The following HTR7 variants were observed in gnomAD, a reference collection of about 807,000 sequenced individuals.
HTR7 encodes 5-hydroxytryptamine receptor 7.
A neutral mutation model predicts 34.0 loss-of-function variants in HTR7; 16 were observed. The ratio of observed to expected loss-of-function variants is 0.47; its 90% confidence interval spans 0.32 to 0.71. The LOEUF (loss-of-function observed/expected upper bound fraction) is 0.71. Among genes scored for constraint, HTR7 ranks in the 30% least tolerant of loss-of-function variants. HTR7 has a pLI of 0.04. For synonymous variants in HTR7, 265 were observed against 260.2 expected (o/e 1.02, Z -0.18); for missense variants, 504 against 625.5 (o/e 0.81, Z 2.07).
chr10:90,792,091 A>T (rs575185762), intron 1 of HTR7, among the ~76,000 whole-genome samples: 30 of 152,302 alleles, frequency 2.0e-4, no homozygotes, highest in African/African-American at 6.5e-4. Context: ...TATCAAAAAC[A>T]TGAAAAATTT....
At chr10:90,848,803 C>G (rs1846451070) in intron 1 of HTR7, among the ~76,000 whole-genome samples, 1 of 152,152 alleles carries the variant, frequency 6.6e-6, no homozygotes, top group Admixed American at 6.5e-5. Context: ...TGCTGTATAG[C>G]AATACTTCTC....
At chr10:90,845,858 C>T (rs887170866) in intron 1 of HTR7, among the ~76,000 whole-genome samples, 3 of 152,192 alleles carry the variant, frequency 2.0e-5, no homozygotes, top group Non-Finnish European at 4.4e-5. Context: ...CCCTTCACTC[C>T]GTGATCTTCT....
At chr10:90,786,300 AG>A (rs1426171157) in intron 1 of HTR7, among the ~76,000 whole-genome samples, 1 of 152,224 alleles carries the variant, frequency 6.6e-6, no homozygotes, top group Non-Finnish European at 1.5e-5. Context: ...CTTCATTATC[AG>A]GAAAATGCTG....
chr10:90,811,494 T>C (rs1201424837), intron 1 of HTR7, among the ~76,000 whole-genome samples: 2 of 152,126 alleles, frequency 1.3e-5, no homozygotes, highest in Admixed American at 1.3e-4. Context: ...AGTTTATTGA[T>C]GGCAGTTCCA....
chr10:90,751,494 G>A (rs1298703601), intron 1 of HTR7, among the ~76,000 whole-genome samples: 1 of 152,064 alleles, frequency 6.6e-6, no homozygotes, highest in Non-Finnish European at 1.5e-5. Flanking sequence ...AAGCCTCAAT[G>A]TGGCATCCAA....
intron 1 of HTR7, among the ~76,000 whole-genome samples, chr10:90,827,871 C>T (rs1846103945): frequency 6.6e-6 from 1 of 152,184 alleles, no homozygotes; most frequent in Non-Finnish European, 1.5e-5. Flanking sequence ...ACCAAATTGA[C>T]CTAACAGATA....
intron 1 of HTR7, among the ~76,000 whole-genome samples, chr10:90,827,939 T>C (rs1051173331): frequency 6.6e-6 from 1 of 152,236 alleles, no homozygotes; most frequent in African/African-American, 2.4e-5. Flanking sequence ...ACATGGATCA[T>C]TCTCAAGGAT....
intron 1 of HTR7, among the ~76,000 whole-genome samples, chr10:90,821,572 C>A (rs1845981676): frequency 6.6e-6 from 1 of 152,210 alleles, no homozygotes; most frequent in Admixed American, 6.5e-5. Context: ...ACAAGGACTG[C>A]AACTCCAAGG....
At chr10:90,789,467 T>A (rs938865709) in intron 1 of HTR7, among the ~76,000 whole-genome samples, 12 of 152,190 alleles carry the variant, frequency 7.9e-5, no homozygotes, top group Non-Finnish European at 1.3e-4. Flanking sequence ...CATCAGTGCA[T>A]CTGCCTGAAC....
At chr10:90,745,934 A>G (rs549068792) in intron 2 of HTR7, among the ~76,000 whole-genome samples, 6 of 152,326 alleles carry the variant, frequency 3.9e-5, no homozygotes, top group Non-Finnish European at 8.8e-5. Flanking sequence ...TTACAGGAAA[A>G]CAACACCCAA....
rs1212923337 is a variant in HTR7 at position 90,742,292 on chromosome 10, T to C, written c.*190A>G. On this transcript the variant is annotated 3_prime_UTR_variant, in exon 4 of 4. Coordinates refer to ENST00000336152, the MANE Select transcript of HTR7 (RefSeq NM_019859.4). ...AACTGAGAACACACAATAGCACTGATCCACAGAAAAAAGGAGAAGTCACCA... is the reference window on the plus strand; with the variant it reads ...AACTGAGAACACACAATAGCACTGACCCACAGAAAAAAGGAGAAGTCACCA... 6.0e-6 allele frequency: 3 copies of C among 503,104 alleles called. No individual in the cohort carries two copies. The highest frequency in any genetic ancestry group is 1.1e-5 in the Non-Finnish European group (3 of 282,152). The allele number at this position is 503,104 out of a possible 1,614,324, so 31.2% of individuals were successfully genotyped here. A position where few individuals can be genotyped will look rare whatever the true frequency, so the allele number is the denominator to read the frequency against.
chr10:90,759,990 A>G (rs1844908743), intron 1 of HTR7, among the ~76,000 whole-genome samples: 1 of 152,214 alleles, frequency 6.6e-6, no homozygotes, highest in African/African-American at 2.4e-5. Context: ...TCTTTCAGGA[A>G]CAGATACCTC....
intron 1 of HTR7, among the ~76,000 whole-genome samples, chr10:90,762,717 T>A (rs907364959): frequency 6.6e-6 from 1 of 152,190 alleles, no homozygotes; most frequent in African/African-American, 2.4e-5. Flanking sequence ...CCAATATCGA[T>A]ATAAAGGAGC....
intron 1 of HTR7, among the ~76,000 whole-genome samples, chr10:90,811,104 C>A (rs547511290): frequency 3.3e-5 from 5 of 152,276 alleles, no homozygotes; most frequent in African/African-American, 1.2e-4. Flanking sequence ...TGCCCCAACC[C>A]GAGCGCTCCC....
At chr10:90,793,803 T>C (rs1188742724) in intron 1 of HTR7, among the ~76,000 whole-genome samples, 1 of 152,166 alleles carries the variant, frequency 6.6e-6, no homozygotes, top group East Asian at 1.9e-4. Flanking sequence ...TTTCAGTCTG[T>C]GGCTGAAGGC....
intron 1 of HTR7, among the ~76,000 whole-genome samples, chr10:90,821,071 C>T (rs1213495854): frequency 2.0e-5 from 3 of 151,834 alleles, no homozygotes; most frequent in African/African-American, 4.8e-5. Flanking sequence ...CACCAATCAT[C>T]CTCCCTGAAG....
At chr10:90,836,235 G>C (rs1846250281) in intron 1 of HTR7, among the ~76,000 whole-genome samples, 1 of 152,042 alleles carries the variant, frequency 6.6e-6, no homozygotes, top group South Asian at 2.1e-4. Flanking sequence ...GCCTCATCAA[G>C]CCCCAATACA....
chr10:90,800,315 C>T (rs1845604641), intron 1 of HTR7, among the ~76,000 whole-genome samples: 1 of 152,074 alleles, frequency 6.6e-6, no homozygotes, highest in Non-Finnish European at 1.5e-5. Flanking sequence ...AAACAATGTC[C>T]TAAGAAATGA....
chr10:90,742,304 A>G lies in HTR7; in HGVS notation c.*178T>C. Reference sequence around the variant, plus strand: ...ACAATAGCACTGATCCACAGAAAAAAGGAGAAGTCACCATCTCCCTCATAA... The same window carrying G: ...ACAATAGCACTGATCCACAGAAAAAGGGAGAAGTCACCATCTCCCTCATAA... On this transcript the variant is annotated 3_prime_UTR_variant, in exon 4 of 4. Coordinates refer to ENST00000336152, the MANE Select transcript of HTR7 (RefSeq NM_019859.4). 1 of 515,980 alleles carries G rather than the reference A, an allele frequency of 1.9e-6. No individual in the cohort carries two copies. 32.0% of individuals were successfully genotyped at this position (515,980 alleles called of 1,614,324 possible).
Sources: allele counts gnomAD v4.1 joint callset (sites outside exome capture counted in the v4.1 genomes callset), GRCh38; gene constraint gnomAD v4.1.1; transcripts MANE v1.5; gene names NCBI Gene and HGNC (gene_info 2026-07-23, HGNC 2026-07-21).